The following CD247 variants were observed in gnomAD, a reference collection of about 807,000 sequenced individuals.
CD247 encodes T-cell surface glycoprotein CD3 zeta chain.
CD247 carries 13 observed loss-of-function variants against 30.0 expected under a neutral mutation model. The observed-to-expected ratio is 0.43, with a 90% CI of 0.28 to 0.69. The LOEUF (loss-of-function observed/expected upper bound fraction) is 0.69. Ranked by LOEUF, CD247 falls within the 30% of genes least tolerant of loss-of-function variation. The pLI, the probability that CD247 is intolerant of heterozygous loss-of-function variation, is 0.16. For synonymous variants in CD247, 72 were observed against 80.0 expected (o/e 0.90, Z 0.53); for missense variants, 193 against 212.6 (o/e 0.91, Z 0.57).
chr1:167,463,740 C>A (rs1231661459), intron 1 of CD247, among the ~76,000 whole-genome samples: 1 of 152,196 alleles, frequency 6.6e-6, no homozygotes, highest in Admixed American at 6.5e-5. Context: ...TGATCTGGAT[C>A]TACATAGATT....
At chr1:167,507,261 A>T (rs1655183134) in intron 1 of CD247, among the ~76,000 whole-genome samples, 2 of 150,784 alleles carry the variant, frequency 1.3e-5, no homozygotes, top group South Asian at 4.2e-4. Context: ...AGGAATGGTG[A>T]TTGGAGAGAG....
At chr1:167,506,709 T>G (rs1283053561) in intron 1 of CD247, among the ~76,000 whole-genome samples, 1 of 152,088 alleles carries the variant, frequency 6.6e-6, no homozygotes, top group African/African-American at 2.4e-5. Context: ...ACACTTTACA[T>G]GAGAGATGCA....
chr1:167,468,865 G>A (rs767959082), intron 1 of CD247, among the ~76,000 whole-genome samples: 1 of 151,608 alleles, frequency 6.6e-6, no homozygotes, highest in Non-Finnish European at 1.5e-5. Flanking sequence ...GATTTGTTGT[G>A]AATTAAGGGA....
intron 1 of CD247, among the ~76,000 whole-genome samples, chr1:167,516,230 G>A (rs1306891609): frequency 6.6e-6 from 1 of 152,272 alleles, no homozygotes; most frequent in Non-Finnish European, 1.5e-5. Context: ...CTGCAGAGTA[G>A]GGAGTTAGAG....
intron 1 of CD247, among the ~76,000 whole-genome samples, chr1:167,476,323 G>C (rs563394230): frequency 6.6e-6 from 1 of 152,240 alleles, no homozygotes; most frequent in East Asian, 1.9e-4. Flanking sequence ...CTCTCCCCAA[G>C]CCCTACCAAG....
intron 1 of CD247, among the ~76,000 whole-genome samples, chr1:167,472,603 A>T (rs1227747796): frequency 2.0e-5 from 3 of 152,124 alleles, no homozygotes; most frequent in African/African-American, 7.2e-5. Context: ...TAGCTGGGTG[A>T]GGGAGGGTAT....
At chr1:167,476,776 G>A (rs1653764660) in intron 1 of CD247, among the ~76,000 whole-genome samples, 1 of 152,072 alleles carries the variant, frequency 6.6e-6, no homozygotes, top group Non-Finnish European at 1.5e-5. Context: ...CTCCAGCCTG[G>A]GCAAGAGTGA....
intron 1 of CD247, among the ~76,000 whole-genome samples, chr1:167,504,107 C>T (rs12123986): frequency 0.014 from 2,166 of 152,196 alleles, 18 homozygotes; most frequent in Middle Eastern, 0.017. Context: ...GCGGGGGGAG[C>T]GAGGGCAGGC....
chr1:167,449,515 T>C (rs919035153), intron 1 of CD247, among the ~76,000 whole-genome samples: 2 of 152,114 alleles, frequency 1.3e-5, no homozygotes, highest in Non-Finnish European at 2.9e-5. Flanking sequence ...TGCAGAAAAG[T>C]AGGAAAAAAT....
chr1:167,513,652 T>G (rs1413489670), intron 1 of CD247, among the ~76,000 whole-genome samples: 9 of 152,232 alleles, frequency 5.9e-5, no homozygotes, highest in African/African-American at 2.2e-4. Context: ...CATTAGTTTA[T>G]TTTTAGTTCA....
At chr1:167,441,554 ACT>A (rs1156641435) in intron 1 of CD247, among the ~76,000 whole-genome samples, 1 of 151,780 alleles carries the variant, frequency 6.6e-6, no homozygotes, top group Non-Finnish European at 1.5e-5. Flanking sequence ...TGTGCCTTGC[ACT>A]CTCTGTTCCC....
At chr1:167,491,366 C>T (rs185103322) in intron 1 of CD247, among the ~76,000 whole-genome samples, 70 of 152,190 alleles carry the variant, frequency 4.6e-4, no homozygotes, top group African/African-American at 1.6e-3. Context: ...GTCGGGAGTT[C>T]GAGACCAGCC....
chr1:167,458,429 C>T (rs1211207839), intron 1 of CD247: 1 of 152,372 alleles, frequency 6.6e-6, no homozygotes, highest in African/African-American at 2.4e-5. Flanking sequence ...CCACCCAGCA[C>T]AGCATCCTAC....
intron 1 of CD247, among the ~76,000 whole-genome samples, chr1:167,506,892 A>ATTTTTTTTTTTTT (rs10587631): frequency 1.0e-5 from 1 of 97,984 alleles, no homozygotes; most frequent in Non-Finnish European, 1.9e-5. Context: ...GTTCCCTCTG[A>ATTTTTTTTTTTTT]TTTTTTTTTT....
chr1:167,493,576 G>A (rs1014927253), intron 1 of CD247, among the ~76,000 whole-genome samples: 2 of 152,160 alleles, frequency 1.3e-5, no homozygotes, highest in African/African-American at 2.4e-5. Context: ...TATAGTTGGG[G>A]ATACTGAGGC....
intron 1 of CD247, among the ~76,000 whole-genome samples, chr1:167,460,796 G>A (rs538204660): frequency 6.6e-6 from 1 of 152,220 alleles, no homozygotes; most frequent in South Asian, 2.1e-4. Flanking sequence ...GTGTCCATGT[G>A]TTCTCATTGT....
chr1:167,447,970 G>GT (rs1397657538), intron 1 of CD247, among the ~76,000 whole-genome samples: 14 of 150,106 alleles, frequency 9.3e-5, no homozygotes, highest in Non-Finnish European at 1.9e-4. Context: ...CTATGGGTGG[G>GT]GGGGTGGGGG....
At chr1:167,447,967 TG>T (rs1327027617) in intron 1 of CD247, among the ~76,000 whole-genome samples, 1 of 35,030 alleles carries the variant, frequency 2.9e-5, no homozygotes, top group Non-Finnish European at 6.8e-5. Context: ...CAGCTATGGG[TG>T]GGGGGGTGGG....
At chr1:167,497,001 G>T (rs1654719218) in intron 1 of CD247, among the ~76,000 whole-genome samples, 1 of 152,170 alleles carries the variant, frequency 6.6e-6, no homozygotes. Context: ...CAAAGAAATA[G>T]CCACAAATGT....
Sources: gnomAD v4.1 joint callset for allele counts (sites outside exome capture counted in the v4.1 genomes callset) on GRCh38, gnomAD v4.1.1 for gene constraint, MANE v1.5 for transcripts, NCBI Gene and HGNC (gene_info 2026-07-23, HGNC 2026-07-21) for gene names.